The following DENND1A variants were observed in gnomAD, a reference collection of about 807,000 sequenced individuals.
DENND1A encodes DENN domain containing 1A.
Under a neutral mutation model 113.7 loss-of-function variants are expected in DENND1A, and 51 were observed. The observed-to-expected ratio is 0.45, with a 90% CI of 0.36 to 0.57. The LOEUF (loss-of-function observed/expected upper bound fraction) is 0.57. Ranked by LOEUF, DENND1A falls within the 20% of genes least tolerant of loss-of-function variation. The probability of loss-of-function intolerance (pLI) is 0.00; values close to 1 mark genes in which losing one functional copy is unlikely to be tolerated. For synonymous variants in DENND1A, 565 were observed against 570.8 expected (o/e 0.99, Z 0.14); for missense variants, 1,258 against 1,395.9 (o/e 0.90, Z 1.57).
chr9:123,898,054 T>C (rs572554418), intron 1 of DENND1A, among the ~76,000 whole-genome samples: 2 of 152,186 alleles, frequency 1.3e-5, no homozygotes, highest in East Asian at 1.9e-4. Flanking sequence ...CTCAAAGTCC[T>C]GTATCCTTGA....
chr9:123,658,583 AAAGGGAAAAG>A (rs2139624550), intron 8 of DENND1A, among the ~76,000 whole-genome samples: 1 of 152,346 alleles, frequency 6.6e-6, no homozygotes, highest in Admixed American at 6.5e-5. Flanking sequence ...TGGGGATCTG[AAAGGGAAAAG>A]AATTAATTTT....
chr9:123,883,505 G>A (rs1332568432), intron 1 of DENND1A, among the ~76,000 whole-genome samples: 2 of 152,162 alleles, frequency 1.3e-5, no homozygotes, highest in African/African-American at 4.8e-5. Flanking sequence ...AGTGTCTCAG[G>A]TAGGACCCAA....
chr9:123,631,987 G>A (rs544997656), intron 9 of DENND1A, among the ~76,000 whole-genome samples: 27 of 152,260 alleles, frequency 1.8e-4, no homozygotes, highest in African/African-American at 6.3e-4. Flanking sequence ...AGGGAAGCCT[G>A]TTCCCATGAG....
At chr9:123,888,506 T>C (rs1443554061) in intron 1 of DENND1A, among the ~76,000 whole-genome samples, 1 of 152,182 alleles carries the variant, frequency 6.6e-6, no homozygotes, top group Non-Finnish European at 1.5e-5. Flanking sequence ...CAAGTCAAAG[T>C]GATCACCATC....
intron 9 of DENND1A, among the ~76,000 whole-genome samples, chr9:123,644,392 A>AAC (rs1554935387): frequency 6.7e-6 from 1 of 148,676 alleles, no homozygotes; most frequent in Non-Finnish European, 1.5e-5. Flanking sequence ...AAAAAAAAAA[A>AAC]AAAAAAAAAA....
At chr9:123,725,634 T>C (rs2067650858) in intron 5 of DENND1A, among the ~76,000 whole-genome samples, 1 of 152,218 alleles carries the variant, frequency 6.6e-6, no homozygotes, top group African/African-American at 2.4e-5. Flanking sequence ...CTCTGGCGCA[T>C]CCTCTGCCCA....
chr9:123,422,536 C>T lies in DENND1A; in HGVS notation c.1489-10707G>A, dbSNP rs1277690590. 1.3e-5 allele frequency among the ~76,000 whole-genome samples: 2 copies of T among 149,426 alleles called. No homozygotes were observed. Among genetic ancestry groups the T allele is most frequent in the African/African-American group, 5.0e-5 (2 of 40,342 alleles). ...TTTTTTTTTTTTCCTTCCCTCAGAA[C>T]AAATGGACGGAGAACCTGGTTTTAA... On this transcript the variant is annotated intron_variant, in intron 19 of 23. Coordinates refer to ENST00000394215, the MANE Select transcript of DENND1A (RefSeq NM_001352964.2). The surrounding 1 kb of genome is among the most constrained non-coding windows in gnomAD (Gnocchi z 4.8).
At chr9:123,782,163 T>C (rs972238201) in intron 3 of DENND1A, among the ~76,000 whole-genome samples, 1 of 152,164 alleles carries the variant, frequency 6.6e-6, no homozygotes, top group Non-Finnish European at 1.5e-5. Context: ...AAAAAGTATT[T>C]CTAGCTGCCA....
rs537082480 is a variant in DENND1A, at chr9:123,490,742, C to T, written c.994-32845G>A. On this transcript the variant is annotated intron_variant, in intron 13 of 23. Coordinates refer to ENST00000394215, the MANE Select transcript of DENND1A (RefSeq NM_001352964.2). ...TTTTATACAATATATGCTATAATTT[C>T]AATACTTAATCAATATAGAAAATTA... 3.3e-5 allele frequency among the ~76,000 whole-genome samples: 5 copies of T among 151,314 alleles called. No homozygotes were observed. The South Asian group carries it at 8.4e-4, about 25-fold the overall frequency.
chr9:123,656,867 G>A (rs910702063), intron 8 of DENND1A, among the ~76,000 whole-genome samples: 7 of 152,182 alleles, frequency 4.6e-5, no homozygotes, highest in East Asian at 3.8e-4. Context: ...AAAAGGTCTC[G>A]GTTTTCTTAG....
At chr9:123,666,916 C>T in intron 8 of DENND1A, 110 bp downstream of exon 8, 2 of 1,096,370 alleles carry the variant, frequency 1.8e-6, no homozygotes, top group South Asian at 2.1e-5. Flanking sequence ...TTTTAAAAAC[C>T]ATAATTTTTA....
intron 1 of DENND1A, among the ~76,000 whole-genome samples, chr9:123,880,740 A>G (rs1409498695): frequency 1.3e-5 from 2 of 152,204 alleles, no homozygotes; most frequent in Non-Finnish European, 2.9e-5. Flanking sequence ...TTGTCTAGAA[A>G]CATGGCCAGG....
intron 2 of DENND1A, among the ~76,000 whole-genome samples, chr9:123,844,231 T>A (rs1842249459): frequency 6.6e-6 from 1 of 152,054 alleles, no homozygotes; most frequent in Non-Finnish European, 1.5e-5. Context: ...TAATTAGGTA[T>A]GAAAAAGAAA....
intron 13 of DENND1A, among the ~76,000 whole-genome samples, chr9:123,515,330 A>G (rs533141832): frequency 6.6e-6 from 1 of 152,364 alleles, no homozygotes; most frequent in African/African-American, 2.4e-5. Context: ...ACAATTTCAA[A>G]TATCTTGAGA....
At chr9:123,567,636 A>G (rs2058128293) in intron 12 of DENND1A, among the ~76,000 whole-genome samples, 1 of 152,236 alleles carries the variant, frequency 6.6e-6, no homozygotes, top group African/African-American at 2.4e-5. Context: ...CCACCTTTCC[A>G]TTTAACTATA....
At chr9:123,885,942 G>C (rs1004719387) in intron 1 of DENND1A, among the ~76,000 whole-genome samples, 7 of 152,056 alleles carry the variant, frequency 4.6e-5, no homozygotes, top group African/African-American at 1.4e-4. Flanking sequence ...ACCATGTCCG[G>C]GATTTTTGTA....
intron 19 of DENND1A, among the ~76,000 whole-genome samples, chr9:123,415,447 A>G (rs2044649229): frequency 6.6e-6 from 1 of 152,120 alleles, no homozygotes; most frequent in Non-Finnish European, 1.5e-5. Context: ...GGGGAGAGGA[A>G]GAAGGGGAGG....
chr9:123,565,516 C>T (rs749735254), intron 12 of DENND1A, among the ~76,000 whole-genome samples: 19 of 152,182 alleles, frequency 1.2e-4, no homozygotes, highest in Non-Finnish European at 1.6e-4. Context: ...CACACAGCAG[C>T]AGGTGTGGAG....
chr9:123,886,862 C>T (rs1429491568), intron 1 of DENND1A, among the ~76,000 whole-genome samples: 1 of 152,198 alleles, frequency 6.6e-6, no homozygotes, highest in Non-Finnish European at 1.5e-5. Flanking sequence ...CTACACTTAA[C>T]TTCATTTCTA....
Sources: gnomAD v4.1 joint callset for allele counts (sites outside exome capture counted in the v4.1 genomes callset) on GRCh38, gnomAD v4.1.1 for gene constraint, Gnocchi (gnomAD v3.1) non-coding constraint, MANE v1.5 for transcripts, NCBI Gene and HGNC (gene_info 2026-07-23, HGNC 2026-07-21) for gene names.